ZC3H12B: variants seen among roughly 807,000 people sequenced by gnomAD.
ZC3H12B encodes zinc finger CCCH-type containing 12B.
In ZC3H12B, 7 loss-of-function variants were observed where a neutral mutation model predicts 43.9. The ratio of observed to expected loss-of-function variants is 0.16; its 90% CI spans 0.09 to 0.30. The LOEUF (loss-of-function observed/expected upper bound fraction) is 0.30, where lower values mean the gene tolerates loss of function less well. Ranked by LOEUF, ZC3H12B falls within the 10% of genes least tolerant of loss-of-function variation. The pLI, the probability that ZC3H12B is intolerant of heterozygous loss-of-function variation, is 1.00. For missense variants in ZC3H12B, 475 were observed against 670.2 expected, an observed-to-expected ratio of 0.71 and a Z score of 3.22; for synonymous variants, 222 against 241.7, an observed-to-expected ratio of 0.92 and a Z score of 0.76.
chrX:65,452,290 C>A (rs998069314), intron 3 of ZC3H12B, among the ~76,000 whole-genome samples: 2 of 111,530 alleles, frequency 1.8e-5, no homozygotes, highest in African/African-American at 3.3e-5. Flanking sequence ...ACCCTAAAGA[C>A]ACCTCCAAAA....
chrX:65,437,034 C>G lies in ZC3H12B; in HGVS notation n.407+38330C>G, dbSNP rs151151028. Among the ~76,000 whole-genome samples the G allele has an allele frequency of 9.9e-3, 1,093 of 110,355 alleles. 15 individuals are homozygous for G. Among genetic ancestry groups the G allele is most frequent in the African/African-American group, 0.034 (1,043 of 30,301 alleles). On this transcript the variant is annotated intron_variant and non_coding_transcript_variant, in intron 3 of 5. Transcript: ENST00000617377. Reference sequence around the variant, plus strand: ...GTGGTGGGATCTTGGCTCACTGCAGCCTCCACCTTCTGGGTTCAAGCAATT... The same window carrying G: ...GTGGTGGGATCTTGGCTCACTGCAGGCTCCACCTTCTGGGTTCAAGCAATT...
At chrX:65,371,345 G>A (rs1157142674) in intron 2 of ZC3H12B, among the ~76,000 whole-genome samples, 2 of 111,278 alleles carry the variant, frequency 1.8e-5, no homozygotes, top group South Asian at 7.5e-4. Context: ...AAGTAATTGA[G>A]CCTCAAGGAT....
At chrX:65,281,471 C>T in the ZC3H12B span, among the ~76,000 whole-genome samples, 8 of 111,437 alleles carry the variant, frequency 7.2e-5, no homozygotes, top group African/African-American at 2.6e-4. Flanking sequence ...AGCATTCCAC[C>T]TGCCTCGGCT....
exon 5 of ZC3H12B, chrX:65,502,451 A>G: frequency 8.3e-7 from 1 of 1,210,959 alleles, no homozygotes. Flanking sequence ...CTGTTCTGAC[A>G]GCCGTGTGAG....
chrX:65,087,538 T>C, the ZC3H12B span, among the ~76,000 whole-genome samples: 1 of 110,458 alleles, frequency 9.1e-6, no homozygotes. Flanking sequence ...CGATCGAGAG[T>C]CAAAGGTGGC....
the ZC3H12B span, among the ~76,000 whole-genome samples, chrX:65,258,007 G>A: frequency 9.0e-6 from 1 of 111,365 alleles, no homozygotes; most frequent in Non-Finnish European, 1.9e-5. Context: ...AAAAACTTGA[G>A]GAGGAGAAAC....
the ZC3H12B span, among the ~76,000 whole-genome samples, chrX:65,322,986 AATT>A: frequency 2.2e-3 from 248 of 111,423 alleles, 2 homozygotes; most frequent in African/African-American, 7.5e-3. Flanking sequence ...ATTTTAATGG[AATT>A]ATTATAAAGT....
the ZC3H12B span, among the ~76,000 whole-genome samples, chrX:65,074,458 G>C: frequency 9.0e-6 from 1 of 111,076 alleles, no homozygotes; most frequent in Non-Finnish European, 1.9e-5. Flanking sequence ...AAGCCCTTTG[G>C]TTTCCTATTA....
the ZC3H12B span, among the ~76,000 whole-genome samples, chrX:65,050,538 T>C: frequency 9.0e-6 from 1 of 111,370 alleles, no homozygotes; most frequent in Non-Finnish European, 1.9e-5. Flanking sequence ...GTGTGGACTC[T>C]TCATATATGA....
At chrX:65,190,061 T>A in the ZC3H12B span, among the ~76,000 whole-genome samples, 3 of 111,813 alleles carry the variant, frequency 2.7e-5, no homozygotes, top group Non-Finnish European at 3.8e-5. Flanking sequence ...GGGAATCCTT[T>A]CCCCATTGCT....
the ZC3H12B span, among the ~76,000 whole-genome samples, chrX:65,156,226 G>C: frequency 5.4e-5 from 6 of 110,471 alleles, no homozygotes; most frequent in African/African-American, 2.0e-4. Context: ...GGGTCTTGCT[G>C]TGTCACCCAG....
intron 3 of ZC3H12B, among the ~76,000 whole-genome samples, chrX:65,466,146 A>T (rs1316869594): frequency 9.0e-6 from 1 of 110,498 alleles, no homozygotes; most frequent in Non-Finnish European, 1.9e-5. Flanking sequence ...CCCTTGACAG[A>T]CATCCTCCCA....
At chrX:65,104,918 G>A in the ZC3H12B span, among the ~76,000 whole-genome samples, 1 of 111,467 alleles carries the variant, frequency 9.0e-6, no homozygotes, top group African/African-American at 3.3e-5. Context: ...ATACCCAAAG[G>A]ATTATAAATC....
chrX:65,188,408 G>A, the ZC3H12B span, among the ~76,000 whole-genome samples: 1 of 102,693 alleles, frequency 9.7e-6, no homozygotes, highest in African/African-American at 3.6e-5. Context: ...ATTCATAGCG[G>A]TTTTACTAAT....
At chrX:65,435,541 C>CA (rs1192995836) in intron 3 of ZC3H12B, among the ~76,000 whole-genome samples, 1 of 111,085 alleles carries the variant, frequency 9.0e-6, no homozygotes, top group African/African-American at 3.3e-5. Context: ...AAAAATCTTC[C>CA]AAAACCAATT....
At chrX:65,315,203 A>T in the ZC3H12B span, among the ~76,000 whole-genome samples, 1 of 111,513 alleles carries the variant, frequency 9.0e-6, no homozygotes, top group Non-Finnish European at 1.9e-5. Flanking sequence ...CAATAAACCC[A>T]CTTTAAATAT....
chrX:65,098,918 GA>G, the ZC3H12B span, among the ~76,000 whole-genome samples: 2 of 110,850 alleles, frequency 1.8e-5, no homozygotes, highest in Non-Finnish European at 3.8e-5. Flanking sequence ...TGAAGCCAGG[GA>G]GCTACATGGT....
At chrX:65,133,195 C>T in the ZC3H12B span, among the ~76,000 whole-genome samples, 1 of 111,215 alleles carries the variant, frequency 9.0e-6, no homozygotes, top group African/African-American at 3.3e-5. Flanking sequence ...GGGTTTGTCT[C>T]ACAGTGGAGG....
chrX:65,100,223 A>T, the ZC3H12B span, among the ~76,000 whole-genome samples: 3 of 111,130 alleles, frequency 2.7e-5, no homozygotes, highest in African/African-American at 9.8e-5. Flanking sequence ...CCTCCAAGAA[A>T]TATGGGACTA....
Sources: allele counts gnomAD v4.1 joint callset (sites outside exome capture counted in the v4.1 genomes callset), GRCh38; gene constraint gnomAD v4.1.1; transcripts MANE v1.5; gene names NCBI Gene and HGNC (gene_info 2026-07-23, HGNC 2026-07-21).